AMOTL1: variants seen among roughly 807,000 people sequenced by gnomAD.
AMOTL1 encodes the protein angiomotin like 1.
Under a neutral mutation model 102.9 loss-of-function variants are expected in AMOTL1, and 45 were observed. The ratio of observed to expected loss-of-function variants is 0.44; its 90% confidence interval spans 0.34 to 0.56. AMOTL1 has a LOEUF of 0.56. Among genes scored for constraint, AMOTL1 ranks in the 20% least tolerant of loss-of-function variants. AMOTL1 has a pLI of 0.01. For missense variants in AMOTL1, 1,114 were observed against 1,225.6 expected (o/e 0.91, Z 1.36); for synonymous variants, 481 against 484.7 (o/e 0.99, Z 0.10).
At chr11:94,710,398 T>G (rs1311205710) in intron 1 of AMOTL1, among the ~76,000 whole-genome samples, 1 of 152,212 alleles carries the variant, frequency 6.6e-6, no homozygotes, top group Non-Finnish European at 1.5e-5. Flanking sequence ...GTTGCTGACC[T>G]TGGGAAAGTA....
intron 3 of AMOTL1, among the ~76,000 whole-genome samples, chr11:94,749,835 CT>C (rs1950630475): frequency 2.0e-5 from 3 of 152,318 alleles, no homozygotes; most frequent in Admixed American, 6.5e-5. Flanking sequence ...ATGGTCAAAG[CT>C]TTCTGAAAGA....
At chr11:94,805,270 G>A (rs1374693793) in intron 3 of AMOTL1, among the ~76,000 whole-genome samples, 1 of 152,160 alleles carries the variant, frequency 6.6e-6, no homozygotes, top group Non-Finnish European at 1.5e-5. Flanking sequence ...TTCTGGTGAA[G>A]TATTCTAGAC....
intron 3 of AMOTL1, among the ~76,000 whole-genome samples, chr11:94,762,397 A>G (rs550107552): frequency 1.3e-5 from 2 of 152,320 alleles, no homozygotes; most frequent in South Asian, 4.1e-4. Flanking sequence ...TTTTGTTTTC[A>G]TAAATGAAGG....
chr11:94,814,667 GGAA>G (rs1173182531), intron 3 of AMOTL1, among the ~76,000 whole-genome samples: 1 of 152,138 alleles, frequency 6.6e-6, no homozygotes, highest in Non-Finnish European at 1.5e-5. Flanking sequence ...AAAGAAAAGG[GGAA>G]AAGAGAGGAT....
intron 2 of AMOTL1, among the ~76,000 whole-genome samples, chr11:94,797,526 C>T (rs1405444132): frequency 6.6e-6 from 1 of 152,128 alleles, no homozygotes; most frequent in Non-Finnish European, 1.5e-5. Context: ...AAATAATTGC[C>T]ATCTACTGTG....
chr11:94,767,496 C>A (rs571955951), upstream of AMOTL1, among the ~76,000 whole-genome samples: 3 of 152,192 alleles, frequency 2.0e-5, no homozygotes, highest in South Asian at 6.2e-4. Context: ...ATAAGAGAGG[C>A]TTGGTGTGCG....
intron 2 of AMOTL1, among the ~76,000 whole-genome samples, chr11:94,737,069 T>C (rs2135469591): frequency 6.6e-6 from 1 of 152,378 alleles, no homozygotes; most frequent in South Asian, 2.1e-4. Flanking sequence ...AACCCTCAGT[T>C]GATTAGGAAA....
upstream of AMOTL1, among the ~76,000 whole-genome samples, chr11:94,765,204 A>G (rs1417630696): frequency 6.6e-6 from 1 of 152,224 alleles, no homozygotes; most frequent in East Asian, 1.9e-4. Flanking sequence ...CACTTTAGAA[A>G]GGATGCTGAC....
At chr11:94,811,313 T>C (rs1270350605) in intron 3 of AMOTL1, among the ~76,000 whole-genome samples, 1 of 152,010 alleles carries the variant, frequency 6.6e-6, no homozygotes, top group Non-Finnish European at 1.5e-5. Flanking sequence ...GCTAACATGG[T>C]GAAACCCCGT....
intron 3 of AMOTL1, among the ~76,000 whole-genome samples, chr11:94,761,990 G>A (rs1294019341): frequency 6.6e-6 from 1 of 152,124 alleles, no homozygotes; most frequent in East Asian, 1.9e-4. Flanking sequence ...GGGTTCTTTA[G>A]GGTGAACATT....
chr11:94,813,639 T>C (rs755209269), intron 3 of AMOTL1, among the ~76,000 whole-genome samples: 3 of 152,174 alleles, frequency 2.0e-5, no homozygotes, highest in Admixed American at 1.3e-4. Context: ...CTTGGTGAAT[T>C]TGTGCCCCTT....
At chr11:94,768,141 C>G (rs1394941016), upstream of AMOTL1, among the ~76,000 whole-genome samples, 1 of 152,192 alleles carries the variant, frequency 6.6e-6, no homozygotes, top group Non-Finnish European at 1.5e-5. Flanking sequence ...TGCTGTCGCC[C>G]TCCTAAGTCT....
At chr11:94,727,698 G>C (rs1950283780) in intron 1 of AMOTL1, among the ~76,000 whole-genome samples, 1 of 152,092 alleles carries the variant, frequency 6.6e-6, no homozygotes, top group South Asian at 2.1e-4. Context: ...TTATTGATAA[G>C]TCTAACGTTC....
At chr11:94,780,644 A>G (rs1951096641) in intron 1 of AMOTL1, among the ~76,000 whole-genome samples, 3 of 152,170 alleles carry the variant, frequency 2.0e-5, no homozygotes, top group African/African-American at 2.4e-5. Flanking sequence ...TCCTGTCTTC[A>G]TGAACAGAAA....
rs76205153 is a variant in AMOTL1, at chr11:94,757,186, G to A, written c.136+16198G>A. ...AGCACAGCAATAATTAAAACTCCAC[G>A]AAAATGACCATATTTGGTAAGAAAA... On this transcript the variant is annotated intron_variant, in intron 3 of 4. Transcript: ENST00000299004. Among the ~76,000 whole-genome samples, 1,107 of 152,084 alleles carry A rather than the reference G, an allele frequency of 7.3e-3. 15 individuals are homozygous for A. Among genetic ancestry groups the A allele is most frequent in the African/African-American group, 0.025 (1,047 of 41,436 alleles).
chr11:94,714,438 A>G (rs1055850993), intron 1 of AMOTL1, among the ~76,000 whole-genome samples: 1 of 152,212 alleles, frequency 6.6e-6, no homozygotes, highest in South Asian at 2.1e-4. Context: ...ATTTTGAAAA[A>G]GAGATAGTGT....
At position 94,870,746 on chromosome 11, in the gene AMOTL1, T is replaced by C; in HGVS notation, c.2822T>C (p.Leu941Pro). The C allele has an allele frequency of 6.2e-7, 1 of 1,604,182 alleles. No individual in the cohort carries two copies. The highest frequency in any genetic ancestry group is 8.5e-7 in the Non-Finnish European group (1 of 1,174,538). ...PDHRGRVSSLLHKPEFPDGEM... is the reference protein window; with the variant it reads ...PDHRGRVSSLPHKPEFPDGEM... ...CACAGAGGCCGGGTCAGCAGCTTGC[T>C]GCACAAGCCCGAGTTCCCTGATGGA... The change falls in exon 13 of 13, where the codon CTG becomes CCG. Residue 941 changes from leucine to proline, a missense_variant. By Grantham distance (98) the Leu-to-Pro change is moderately conservative. Coordinates refer to ENST00000433060, the MANE Select transcript of AMOTL1 (RefSeq NM_130847.3).
intron 3 of AMOTL1, among the ~76,000 whole-genome samples, chr11:94,754,415 C>T (rs1454811063): frequency 1.3e-5 from 2 of 152,188 alleles, no homozygotes; most frequent in African/African-American, 2.4e-5. Context: ...ATCTTCTCTC[C>T]CATACAAACC....
At chr11:94,791,972 G>A (rs937400381) in intron 1 of AMOTL1, among the ~76,000 whole-genome samples, 1 of 152,182 alleles carries the variant, frequency 6.6e-6, no homozygotes. Flanking sequence ...AATTTTTGTT[G>A]TGTGGCCCCG....
Sources: gnomAD v4.1 joint callset for allele counts (sites outside exome capture counted in the v4.1 genomes callset) on GRCh38, gnomAD v4.1.1 for gene constraint, MANE v1.5 for transcripts, NCBI Gene and HGNC (gene_info 2026-07-23, HGNC 2026-07-21) for gene names.